Variants in MYT1L observed in about 807,000 individuals in gnomAD.
MYT1L encodes myelin transcription factor 1-like protein.
Under a neutral mutation model 126.7 loss-of-function variants are expected in MYT1L, and 12 were observed. The observed-to-expected ratio is 0.09, with a 90% CI of 0.06 to 0.15. The LOEUF is 0.15. Ranked by LOEUF, MYT1L falls within the 10% of genes least tolerant of loss-of-function variation. The probability of loss-of-function intolerance (pLI) is 1.00; values close to 1 mark genes in which losing one functional copy is unlikely to be tolerated. For missense variants in MYT1L, 979 were observed against 1,585.2 expected, an observed-to-expected ratio of 0.62 and a Z score of 6.49; for synonymous variants, 541 against 604.2, an observed-to-expected ratio of 0.90 and a Z score of 1.53.
At chr2:2,304,466 A>T (rs1247640466) in intron 1 of MYT1L, among the ~76,000 whole-genome samples, 1 of 152,206 alleles carries the variant, frequency 6.6e-6, no homozygotes, top group Non-Finnish European at 1.5e-5. Flanking sequence ...AGTCCACACC[A>T]AGTGTCTTGT....
intron 1 of MYT1L, among the ~76,000 whole-genome samples, chr2:2,320,521 C>G (rs919289233): frequency 6.6e-6 from 1 of 151,496 alleles, no homozygotes; most frequent in African/African-American, 2.4e-5. Flanking sequence ...AAAGGAATTT[C>G]CCTTGGAGGG....
intron 3 of MYT1L, among the ~76,000 whole-genome samples, chr2:2,107,546 C>A (rs561172449): frequency 8.5e-5 from 13 of 152,272 alleles, no homozygotes; most frequent in African/African-American, 3.1e-4. Context: ...AGCCATTGAT[C>A]CCGAAAGGTA....
chr2:1,852,694 T>C lies in MYT1L; in HGVS notation c.2712-991A>G, dbSNP rs1307790243. Among the ~76,000 whole-genome samples, 1 of 152,128 alleles carries C rather than the reference T, an allele frequency of 6.6e-6. No homozygotes were observed. Among genetic ancestry groups the C allele is most frequent in the Non-Finnish European group, 1.5e-5 (1 of 68,036 alleles). ...AAGAAAAAATTCCCTTTATTTCCAT[T>C]ACATTTGTAATTCTCCAAAAATGAC... On this transcript the variant is annotated intron_variant, in intron 18 of 24. Coordinates refer to ENST00000647738, the MANE Select transcript of MYT1L (RefSeq NM_001303052.2). This position sits in a 1 kb window ranked among gnomAD's most constrained non-coding sequence, Gnocchi z 4.0.
intron 21 of MYT1L, among the ~76,000 whole-genome samples, chr2:1,814,012 G>A (rs1382682064): frequency 2.2e-5 from 3 of 137,886 alleles, no homozygotes; most frequent in Non-Finnish European, 4.7e-5. Context: ...GGGCGACAGA[G>A]CGAGACTCCG....
chr2:2,023,864 A>G (rs2065277795), intron 4 of MYT1L, among the ~76,000 whole-genome samples: 2 of 152,136 alleles, frequency 1.3e-5, no homozygotes, highest in African/African-American at 2.4e-5. Context: ...TCCTTTTGAG[A>G]GAACTATAAT....
chr2:1,967,728 G>A lies in MYT1L; in HGVS notation c.152+11437C>T, dbSNP rs535488600. Among the ~76,000 whole-genome samples the A allele has an allele frequency of 1.7e-4, 26 of 152,314 alleles. No individual in the cohort carries two copies. In the South Asian group the frequency reaches 5.4e-3, roughly 32 times the overall value. On this transcript the variant is annotated intron_variant, in intron 8 of 24. Coordinates refer to ENST00000647738, the MANE Select transcript of MYT1L (RefSeq NM_001303052.2). The stretch of plus-strand genomic sequence containing the variant: ...GTTCCAGGGTGGAAGAGGATGGGGG[G>A]AGGGTGTGGCCAAAGAGGGGGTGTT...
At chr2:1,816,796 A>G (rs996391662) in intron 21 of MYT1L, 1 of 152,694 alleles carries the variant, frequency 6.5e-6, no homozygotes, top group Admixed American at 6.5e-5. Context: ...TCCCGTTCCT[A>G]TGCCCCAGTG....
chr2:2,130,236 C>T (rs947092169), intron 3 of MYT1L, among the ~76,000 whole-genome samples: 1 of 152,002 alleles, frequency 6.6e-6, no homozygotes, highest in African/African-American at 2.4e-5. Context: ...TGCCCAGCCT[C>T]CTTAGCAGCT....
intron 1 of MYT1L, among the ~76,000 whole-genome samples, chr2:2,286,896 A>G (rs1434003828): frequency 6.6e-6 from 1 of 152,188 alleles, no homozygotes; most frequent in Admixed American, 6.5e-5. Context: ...TGTCAAAGCG[A>G]TGTCACTAGG....
At chr2:2,164,036 G>T (rs539195466) in intron 3 of MYT1L, among the ~76,000 whole-genome samples, 22 of 152,080 alleles carry the variant, frequency 1.4e-4, no homozygotes, top group Admixed American at 1.1e-3. Context: ...TTTTATAAAA[G>T]AATACATATA....
intron 5 of MYT1L, among the ~76,000 whole-genome samples, chr2:1,986,243 T>C (rs994009628): frequency 2.4e-4 from 36 of 152,150 alleles, no homozygotes; most frequent in African/African-American, 7.7e-4. Flanking sequence ...TTCAAAGAAA[T>C]ATCCACTCCA....
At chr2:2,156,774 G>C (rs1175926838) in intron 3 of MYT1L, among the ~76,000 whole-genome samples, 1 of 152,172 alleles carries the variant, frequency 6.6e-6, no homozygotes, top group Non-Finnish European at 1.5e-5. Flanking sequence ...TCACAAGAGG[G>C]TCCCTCCCAG....
intron 3 of MYT1L, among the ~76,000 whole-genome samples, chr2:2,094,299 G>T (rs528622452): frequency 2.6e-4 from 39 of 152,304 alleles, no homozygotes; most frequent in African/African-American, 8.4e-4. Context: ...GGAGAAATAG[G>T]AACACTTTTA....
At chr2:2,049,908 G>A (rs2068628075) in intron 4 of MYT1L, among the ~76,000 whole-genome samples, 1 of 151,980 alleles carries the variant, frequency 6.6e-6, no homozygotes, top group Non-Finnish European at 1.5e-5. Flanking sequence ...CCAGTCCCAG[G>A]CATGTCTTTA....
chr2:2,106,014 A>G (rs924750487), intron 3 of MYT1L, among the ~76,000 whole-genome samples: 1 of 152,088 alleles, frequency 6.6e-6, no homozygotes, highest in Non-Finnish European at 1.5e-5. Context: ...AGAAAGTCAA[A>G]CACCTTCAAA....
chr2:2,320,213 C>T (rs1280638974), intron 1 of MYT1L, among the ~76,000 whole-genome samples: 1 of 152,008 alleles, frequency 6.6e-6, no homozygotes, highest in African/African-American at 2.4e-5. Flanking sequence ...TGAGTGTCTT[C>T]CCAGAGTGAC....
Position 2,189,605 on chromosome 2 carries a change from C to A in MYT1L, c.-420-16617G>T, listed in dbSNP as rs141273248. On this transcript the variant is annotated intron_variant, in intron 2 of 24. Transcript: ENST00000647738. ...AAAAATATTTTTAATAACTAAAAAG[C>A]AAATAATGTTTTAAAATATCTTAGT... Among the ~76,000 whole-genome samples the A allele has an allele frequency of 5.3e-5, 8 of 152,104 alleles. No homozygotes were observed. In the South Asian group the frequency reaches 1.7e-3, roughly 32 times the overall value.
At chr2:2,173,154 A>G (rs1402596926) in intron 2 of MYT1L, among the ~76,000 whole-genome samples, 166 bp from the exon 3 acceptor site, 1 of 152,232 alleles carries the variant, frequency 6.6e-6, no homozygotes, top group East Asian at 1.9e-4. Flanking sequence ...ACCTTGTTAT[A>G]TAAACTCTAA....
intron 2 of MYT1L, among the ~76,000 whole-genome samples, chr2:2,237,871 A>G (rs2094356208): frequency 1.3e-5 from 2 of 152,272 alleles, no homozygotes; most frequent in South Asian, 4.1e-4. Flanking sequence ...GACAGAGGCA[A>G]CCTGGGACAG....
Sources: allele counts gnomAD v4.1 joint callset (sites outside exome capture counted in the v4.1 genomes callset), GRCh38; gene constraint gnomAD v4.1.1; non-coding constraint Gnocchi (gnomAD v3.1); transcripts MANE v1.5; gene names NCBI Gene and HGNC (gene_info 2026-07-23, HGNC 2026-07-21).